Variants in RBFOX1 observed in about 807,000 individuals in gnomAD.
RBFOX1 encodes the protein RNA binding fox-1 homolog 1.
Under a neutral mutation model 57.7 loss-of-function variants are expected in RBFOX1, and 8 were observed. The ratio of observed to expected loss-of-function variants is 0.14; its 90% CI spans 0.08 to 0.25. The LOEUF (loss-of-function observed/expected upper bound fraction) is 0.25. RBFOX1 is among the 10% of genes least tolerant of loss of function. The pLI is 1.00. For synonymous variants in RBFOX1, 326 were observed against 222.4 expected (o/e 1.47, Z -4.15); for missense variants, 611 against 548.5 (o/e 1.11, Z -1.14).
At chr16:6,947,142 C>G (rs1479434187) in intron 3 of RBFOX1, among the ~76,000 whole-genome samples, 1 of 152,068 alleles carries the variant, frequency 6.6e-6, no homozygotes, top group Non-Finnish European at 1.5e-5. Context: ...ATAACCTGGC[C>G]CATGTTCAAG....
chr16:7,271,519 T>G (rs547438705), intron 4 of RBFOX1, among the ~76,000 whole-genome samples: 1 of 152,278 alleles, frequency 6.6e-6, no homozygotes, highest in South Asian at 2.1e-4. Context: ...GTCTAATTGA[T>G]TTGTTTTTTT....
chr16:7,268,445 C>G (rs1218721550), intron 4 of RBFOX1, among the ~76,000 whole-genome samples: 3 of 152,174 alleles, frequency 2.0e-5, no homozygotes, highest in Admixed American at 6.5e-5. Context: ...GGAAGCAGGT[C>G]GTTCCTCTGC....
At chr16:5,275,399 A>G (rs1567267313) in intron 1 of RBFOX1, among the ~76,000 whole-genome samples, 3 of 152,230 alleles carry the variant, frequency 2.0e-5, no homozygotes, top group Non-Finnish European at 4.4e-5. Context: ...GCTATACACC[A>G]ACAGCAACCA....
chr16:7,340,466 G>T (rs898962620), intron 4 of RBFOX1, among the ~76,000 whole-genome samples: 2 of 152,222 alleles, frequency 1.3e-5, no homozygotes, highest in East Asian at 1.9e-4. Flanking sequence ...TATCTTCTCC[G>T]TTGCACTAAT....
chr16:5,250,703 GTA>G (rs56921560), intron 1 of RBFOX1, among the ~76,000 whole-genome samples: 51,200 of 151,998 alleles, frequency 0.34, 8,758 homozygotes, highest in South Asian at 0.42. Context: ...TGGAACCTGG[GTA>G]TACCACCTTC....
intron 2 of RBFOX1, among the ~76,000 whole-genome samples, chr16:6,594,521 G>A (rs1054956001): frequency 3.3e-5 from 5 of 152,122 alleles, no homozygotes; most frequent in Admixed American, 1.3e-4. Flanking sequence ...GTAGGAATCA[G>A]TGCCTCTGAT....
chr16:7,008,171 C>G (rs191707795), intron 3 of RBFOX1, among the ~76,000 whole-genome samples: 3 of 151,936 alleles, frequency 2.0e-5, no homozygotes, highest in Non-Finnish European at 4.4e-5. Context: ...TAGTTGTTAC[C>G]GAAGAAAATG....
intron 2 of RBFOX1, among the ~76,000 whole-genome samples, chr16:6,562,248 C>T (rs945178157): frequency 3.3e-5 from 5 of 152,306 alleles, no homozygotes; most frequent in South Asian, 4.1e-4. Flanking sequence ...ACTTTAAGAC[C>T]TGATTACCTT....
chr16:7,456,459 C>G (rs188320428), intron 4 of RBFOX1, among the ~76,000 whole-genome samples: 17 of 152,342 alleles, frequency 1.1e-4, no homozygotes, highest in African/African-American at 3.8e-4. Context: ...GCTGTAAACA[C>G]AAGACAGGAC....
At chr16:5,917,620 C>G (rs776056202) in intron 4 of RBFOX1, among the ~76,000 whole-genome samples, 4 of 152,190 alleles carry the variant, frequency 2.6e-5, no homozygotes, top group Non-Finnish European at 4.4e-5. Flanking sequence ...AGTTCTGCCT[C>G]CTTTCTCCTG....
chr16:7,150,871 A>C (rs1213577584), intron 4 of RBFOX1, among the ~76,000 whole-genome samples: 1 of 152,200 alleles, frequency 6.6e-6, no homozygotes, highest in African/African-American at 2.4e-5. Flanking sequence ...CTTACACCAC[A>C]TTATAATTAT....
At chr16:6,060,567 T>C (rs575786426) in intron 1 of RBFOX1, among the ~76,000 whole-genome samples, 1 of 152,310 alleles carries the variant, frequency 6.6e-6, no homozygotes, top group South Asian at 2.1e-4. Context: ...TATACTTTGA[T>C]GCTTGCTTCA....
intron 2 of RBFOX1, among the ~76,000 whole-genome samples, chr16:5,541,405 A>G (rs9932809): frequency 0.74 from 112,128 of 151,890 alleles, 41,815 homozygotes; most frequent in East Asian, 0.99. Flanking sequence ...CACAGCCTGG[A>G]TTTCACTTAT....
chr16:6,308,683 T>C (rs1236542724), intron 1 of RBFOX1, among the ~76,000 whole-genome samples: 2 of 152,206 alleles, frequency 1.3e-5, no homozygotes, highest in Admixed American at 1.3e-4. Context: ...TCACGTTTGG[T>C]ATGCATTGGA....
chr16:5,408,217 G>A (rs1289280782), intron 1 of RBFOX1, among the ~76,000 whole-genome samples: 1 of 152,114 alleles, frequency 6.6e-6, no homozygotes, highest in Non-Finnish European at 1.5e-5. Context: ...TCCCAGCTTG[G>A]CAAAACCTCA....
chr16:7,079,120 C>T (rs1008270266), intron 4 of RBFOX1, among the ~76,000 whole-genome samples: 2 of 152,022 alleles, frequency 1.3e-5, no homozygotes, highest in Non-Finnish European at 2.9e-5. Flanking sequence ...CATTCTCAAT[C>T]AGCAGGAGCC....
In RBFOX1 at chr16:5,840,745, T is replaced by G. The variant is rs534500890; in HGVS notation, c.319-26558T>G. On this transcript the variant is annotated intron_variant, in intron 3 of 19. Coordinates refer to the RBFOX1 transcript ENST00000641259. ...GAGCCTTCTCACAGCACACTGGCTTTAGCATGGCCTGTGTGATCCACCTGG... is the reference window on the plus strand; with the variant it reads ...GAGCCTTCTCACAGCACACTGGCTTGAGCATGGCCTGTGTGATCCACCTGG... Among the ~76,000 whole-genome samples, 164 of 152,250 alleles carry G rather than the reference T, an allele frequency of 1.1e-3. 2 individuals carry two copies. Among genetic ancestry groups the G allele is most frequent in the African/African-American group, 3.7e-3 (153 of 41,558 alleles).
chr16:5,739,711 C>T (rs1026090680), intron 3 of RBFOX1, among the ~76,000 whole-genome samples: 1 of 152,150 alleles, frequency 6.6e-6, no homozygotes, highest in Admixed American at 6.5e-5. Flanking sequence ...AACAGAAAGG[C>T]CCTTGGGGCT....
At chr16:7,622,343 G>A (rs1256493606) in intron 10 of RBFOX1, among the ~76,000 whole-genome samples, 2 of 152,194 alleles carry the variant, frequency 1.3e-5, no homozygotes, top group African/African-American at 4.8e-5. Flanking sequence ...TTAAAGTTGA[G>A]CAGGATACCC....
Sources: allele counts gnomAD v4.1 joint callset (sites outside exome capture counted in the v4.1 genomes callset), GRCh38; gene constraint gnomAD v4.1.1; transcripts MANE v1.5; gene names NCBI Gene and HGNC (gene_info 2026-07-23, HGNC 2026-07-21).